ATRNL1: variants seen among roughly 807,000 people sequenced by gnomAD.
ATRNL1 encodes attractin-like protein 1.
A neutral mutation model predicts 182.7 loss-of-function variants in ATRNL1; 95 were observed. The ratio of observed to expected loss-of-function variants is 0.52; its 90% CI spans 0.44 to 0.62. The LOEUF (loss-of-function observed/expected upper bound fraction) is 0.62, where lower values mean the gene tolerates loss of function less well. Among genes scored for constraint, ATRNL1 ranks in the 20% least tolerant of loss-of-function variants. The pLI, the probability that ATRNL1 is intolerant of heterozygous loss-of-function variation, is 0.00. For missense variants in ATRNL1, 1,471 were observed against 1,679.5 expected (o/e 0.88, Z 2.17); for synonymous variants, 576 against 568.3 (o/e 1.01, Z -0.19).
intron 19 of ATRNL1, among the ~76,000 whole-genome samples, chr10:115,350,862 A>G (rs1694291673): frequency 6.6e-6 from 1 of 152,070 alleles, no homozygotes; most frequent in South Asian, 2.1e-4. Context: ...TTTGGGTTGT[A>G]TGGATATTTT....
chr10:115,414,274 A>G (rs369206900), intron 20 of ATRNL1, among the ~76,000 whole-genome samples: 1 of 151,766 alleles, frequency 6.6e-6, no homozygotes, highest in East Asian at 1.9e-4. Flanking sequence ...TATGTAGTCA[A>G]ATTTTGGGTT....
intron 19 of ATRNL1, among the ~76,000 whole-genome samples, chr10:115,379,487 T>G (rs1425072159): frequency 1.3e-5 from 2 of 152,228 alleles, no homozygotes; most frequent in African/African-American, 4.8e-5. Context: ...GCATAACTAG[T>G]ATCCAGTTTT....
chr10:115,570,025 G>A (rs1018059083), intron 26 of ATRNL1, among the ~76,000 whole-genome samples: 10 of 152,108 alleles, frequency 6.6e-5, no homozygotes, highest in Non-Finnish European at 2.9e-5. Context: ...GCAGTGGTGC[G>A]ATCTCAGCTC....
intron 26 of ATRNL1, among the ~76,000 whole-genome samples, chr10:115,649,530 C>T (rs1208859437): frequency 6.6e-6 from 1 of 151,960 alleles, no homozygotes; most frequent in Admixed American, 6.6e-5. Flanking sequence ...CGGTTCTATC[C>T]ACATCTGGGA....
At chr10:115,723,116 T>C (rs1555058364) in intron 26 of ATRNL1, among the ~76,000 whole-genome samples, 1 of 152,028 alleles carries the variant, frequency 6.6e-6, no homozygotes, top group Non-Finnish European at 1.5e-5. Context: ...TTAAAGAAGA[T>C]CCCAGAAAAG....
chr10:115,794,234 T>G (rs1022277166), intron 27 of ATRNL1, among the ~76,000 whole-genome samples: 4 of 152,144 alleles, frequency 2.6e-5, no homozygotes, highest in Non-Finnish European at 5.9e-5. Flanking sequence ...TACAAGTATA[T>G]ATAAAGAATT....
chr10:115,713,705 C>CTATCTATT (rs1555055340), intron 26 of ATRNL1, among the ~76,000 whole-genome samples: 4 of 101,226 alleles, frequency 4.0e-5, no homozygotes, highest in African/African-American at 6.8e-5. Flanking sequence ...ATCTATCTAT[C>CTATCTATT]ATCTATCTAT....
At chr10:115,225,865 A>G (rs1849673007) in intron 9 of ATRNL1, among the ~76,000 whole-genome samples, 2 of 151,018 alleles carry the variant, frequency 1.3e-5, no homozygotes, top group Non-Finnish European at 3.0e-5. Flanking sequence ...GGAAATTGAC[A>G]TGGTGATTCT....
chr10:115,236,188 A>C (rs996045642), intron 9 of ATRNL1, among the ~76,000 whole-genome samples: 2 of 152,082 alleles, frequency 1.3e-5, no homozygotes, highest in Non-Finnish European at 1.5e-5. Flanking sequence ...CATTACCCTC[A>C]AGGAACCTAG....
chr10:115,372,674 A>G (rs562999033), intron 19 of ATRNL1, among the ~76,000 whole-genome samples: 95 of 152,234 alleles, frequency 6.2e-4, no homozygotes, highest in Middle Eastern at 3.4e-3. Context: ...TTGAAGATCA[A>G]TAGACTCTAT....
intron 20 of ATRNL1, among the ~76,000 whole-genome samples, chr10:115,397,498 G>C (rs782747741): frequency 5.3e-5 from 8 of 151,730 alleles, no homozygotes; most frequent in Non-Finnish European, 1.0e-4. Context: ...TGAACTTTTG[G>C]GGGGACCATT....
intron 8 of ATRNL1, among the ~76,000 whole-genome samples, chr10:115,175,705 A>T (rs182060056): frequency 0.022 from 3,408 of 152,222 alleles, 48 homozygotes; most frequent in South Asian, 0.035. Context: ...TTATAAAATT[A>T]TTTCTTAATA....
chr10:115,696,874 A>C (rs529572468), intron 26 of ATRNL1, among the ~76,000 whole-genome samples: 93 of 146,926 alleles, frequency 6.3e-4, no homozygotes, highest in African/African-American at 2.3e-3. Flanking sequence ...TCAGAGCGAG[A>C]GAGAGAGAGA....
chr10:115,696,331 A>G lies in ATRNL1; in HGVS notation c.3796-30917A>G, dbSNP rs1555049777. On this transcript the variant is annotated intron_variant, in intron 26 of 28. Transcript: ENST00000355044. Reference sequence around the variant, plus strand: ...AATGGAATGATTTAATTAGCTAGGCATGGTGGCATGTGCCTATAATCCCAG... The same window carrying G: ...AATGGAATGATTTAATTAGCTAGGCGTGGTGGCATGTGCCTATAATCCCAG... Among the ~76,000 whole-genome samples the G allele has an allele frequency of 2.0e-5, 3 of 152,116 alleles. 1 individual carries two copies. In the South Asian group the frequency reaches 6.2e-4, roughly 32 times the overall value.
intron 27 of ATRNL1, among the ~76,000 whole-genome samples, chr10:115,751,780 G>T (rs782364779): frequency 2.0e-5 from 3 of 152,158 alleles, no homozygotes; most frequent in South Asian, 2.1e-4. Context: ...GAAAACAAAT[G>T]TATGTTACTA....
At chr10:115,393,918 G>A (rs1002906404) in intron 19 of ATRNL1, among the ~76,000 whole-genome samples, 2 of 151,964 alleles carry the variant, frequency 1.3e-5, no homozygotes, top group Non-Finnish European at 2.9e-5. Context: ...AATTAATCAT[G>A]CAACTTTTAC....
intron 21 of ATRNL1, among the ~76,000 whole-genome samples, chr10:115,436,041 C>T (rs1846390301): frequency 6.6e-6 from 1 of 151,920 alleles, no homozygotes; most frequent in Non-Finnish European, 1.5e-5. Context: ...GCAAAAATGT[C>T]CAGAGATCAT....
At chr10:115,923,883 G>A (rs757887116) in intron 28 of ATRNL1, among the ~76,000 whole-genome samples, 17 of 152,120 alleles carry the variant, frequency 1.1e-4, no homozygotes, top group African/African-American at 2.2e-4. Flanking sequence ...GTGTAAAAGC[G>A]TTCCTGTTTC....
At chr10:115,842,165 T>A (rs1421884998) in intron 27 of ATRNL1, among the ~76,000 whole-genome samples, 1 of 152,088 alleles carries the variant, frequency 6.6e-6, no homozygotes, top group African/African-American at 2.4e-5. Flanking sequence ...TGTCAGAATT[T>A]ATTCTGTTCT....
Sources: allele counts gnomAD v4.1 joint callset (sites outside exome capture counted in the v4.1 genomes callset), GRCh38; gene constraint gnomAD v4.1.1; transcripts MANE v1.5; gene names NCBI Gene and HGNC (gene_info 2026-07-23, HGNC 2026-07-21).